The following TENM4 variants were observed in gnomAD, a reference collection of about 807,000 sequenced individuals.
TENM4 encodes the protein teneurin transmembrane protein 4.
TENM4 carries 82 observed loss-of-function variants against 243.3 expected under a neutral mutation model. The ratio of observed to expected loss-of-function variants is 0.34; its 90% confidence interval spans 0.28 to 0.40. The LOEUF (loss-of-function observed/expected upper bound fraction) is 0.40. TENM4 is among the 10% of genes least tolerant of loss of function. TENM4 has a pLI of 1.00. For missense variants in TENM4, 3,138 were observed against 3,673.3 expected, an observed-to-expected ratio of 0.85 and a Z score of 3.77; for synonymous variants, 1,412 against 1,456.3, an observed-to-expected ratio of 0.97 and a Z score of 0.69.
At chr11:79,158,400 C>G (rs1862668175) in intron 3 of TENM4, among the ~76,000 whole-genome samples, 1 of 152,196 alleles carries the variant, frequency 6.6e-6, no homozygotes, top group Admixed American at 6.5e-5. Flanking sequence ...TTGAGCCTGG[C>G]TCTGTCATGA....
At chr11:78,744,519 A>T (rs1856002357) in intron 19 of TENM4, among the ~76,000 whole-genome samples, 1 of 152,226 alleles carries the variant, frequency 6.6e-6, no homozygotes, top group South Asian at 2.1e-4. Flanking sequence ...AGGATTCGCC[A>T]TGAGAACTTG....
At chr11:78,758,573 G>A (rs753252250) in intron 18 of TENM4, among the ~76,000 whole-genome samples, 2 of 152,214 alleles carry the variant, frequency 1.3e-5, no homozygotes, top group African/African-American at 2.4e-5. Context: ...TCTCCATGGA[G>A]TTTACAATAC....
At chr11:78,769,108 G>A (rs183016545) in intron 18 of TENM4, among the ~76,000 whole-genome samples, 56 of 152,330 alleles carry the variant, frequency 3.7e-4, no homozygotes, top group Non-Finnish European at 7.8e-4. Context: ...TTGTGAGAAG[G>A]GAATGGTGGC....
chr11:79,232,939 G>A (rs2135264454), intron 2 of TENM4, among the ~76,000 whole-genome samples: 1 of 152,354 alleles, frequency 6.6e-6, no homozygotes, highest in South Asian at 2.1e-4. Context: ...TTGCCAACAG[G>A]TGAAATTCCA....
chr11:78,784,953 A>G (rs1310012166), intron 16 of TENM4, among the ~76,000 whole-genome samples: 1 of 150,730 alleles, frequency 6.6e-6, no homozygotes, highest in Non-Finnish European at 1.5e-5. Context: ...CAACATTTGC[A>G]AACGTTTTGG....
chr11:79,161,027 T>C (rs145633023), intron 3 of TENM4, among the ~76,000 whole-genome samples: 148 of 152,344 alleles, frequency 9.7e-4, no homozygotes, highest in African/African-American at 3.5e-3. Context: ...CCCTTTTTAG[T>C]GAGCCATCTT....
intron 1 of TENM4, among the ~76,000 whole-genome samples, chr11:79,319,558 C>T (rs191976465): frequency 6.6e-6 from 1 of 152,030 alleles, no homozygotes; most frequent in Non-Finnish European, 1.5e-5. Context: ...TAATGTTGTT[C>T]CACCAAATGG....
chr11:78,805,295 T>C lies in TENM4; in HGVS notation c.2176A>G (p.Ile726Val). The C allele has an allele frequency of 7.3e-6, 2 of 275,030 alleles. No individual in the cohort carries two copies. The highest frequency in any genetic ancestry group is 6.4e-5 in the South Asian group (1 of 15,638). 17.0% of individuals were successfully genotyped at this position (275,030 alleles called of 1,614,324 possible). Residue 726 changes from isoleucine (I) to valine (V), a missense_variant, in exon 15 of 34, where the codon ATC becomes GTC. Around this residue, in one of 2 missense-constraint regions of TENM4, gnomAD observed 2,467 missense variants for 3,059.1 expected, o/e 0.81. Coordinates refer to ENST00000278550, the MANE Select transcript of TENM4 (RefSeq NM_001098816.3). Reference protein sequence around the residue: ...DPSWTGHDCSIEICAADCGGH... With the variant: ...DPSWTGHDCSVEICAADCGGH... Reference sequence around the variant, plus strand: ...CTTCTTCTCCCCCTGCATTTACCGATAGAACAGTCGTGTCCAGTCCAGCTT... The same window carrying C: ...CTTCTTCTCCCCCTGCATTTACCGACAGAACAGTCGTGTCCAGTCCAGCTT...
At chr11:79,407,392 T>C (rs1858595871) in intron 1 of TENM4, among the ~76,000 whole-genome samples, 3 of 152,266 alleles carry the variant, frequency 2.0e-5, no homozygotes, top group Non-Finnish European at 4.4e-5. Context: ...TAATTAGTAA[T>C]AATCAGCTAA....
chr11:79,031,505 G>A (rs1859236108), intron 6 of TENM4, among the ~76,000 whole-genome samples: 1 of 152,174 alleles, frequency 6.6e-6, no homozygotes, highest in African/African-American at 2.4e-5. Flanking sequence ...AGAAGGAGAA[G>A]GGCAATCAGT....
At chr11:78,886,964 C>T (rs1855560711) in intron 9 of TENM4, among the ~76,000 whole-genome samples, 2 of 152,200 alleles carry the variant, frequency 1.3e-5, no homozygotes, top group African/African-American at 4.8e-5. Flanking sequence ...TCAGCTTTTC[C>T]TGACTAGTTG....
chr11:78,914,838 G>A (rs504245), intron 6 of TENM4, among the ~76,000 whole-genome samples: 39,492 of 152,084 alleles, frequency 0.26, 5,338 homozygotes, highest in Middle Eastern at 0.34. Flanking sequence ...CTGCCACTAC[G>A]TTAGCTCAGG....
intron 2 of TENM4, among the ~76,000 whole-genome samples, chr11:79,216,701 G>A (rs1343310058): frequency 3.9e-5 from 6 of 152,136 alleles, no homozygotes; most frequent in Admixed American, 3.9e-4. Context: ...TTGCCCTTCC[G>A]CCTTTTCCCC....
At chr11:78,827,830 T>A (rs913599467) in intron 12 of TENM4, among the ~76,000 whole-genome samples, 1 of 152,198 alleles carries the variant, frequency 6.6e-6, no homozygotes, top group Non-Finnish European at 1.5e-5. Flanking sequence ...AAGGTCCCCC[T>A]GGCTCTTCCT....
At chr11:78,710,826 G>A (rs749933568) in intron 26 of TENM4, among the ~76,000 whole-genome samples, 30 of 152,300 alleles carry the variant, frequency 2.0e-4, no homozygotes, top group Middle Eastern at 3.4e-3. Flanking sequence ...ATGCACTGCC[G>A]CTTCATCTGT....
At chr11:78,689,248 TC>T (rs2135726050) in intron 28 of TENM4, among the ~76,000 whole-genome samples, 1 of 152,324 alleles carries the variant, frequency 6.6e-6, no homozygotes, top group East Asian at 1.9e-4. Flanking sequence ...TTCTGTACCG[TC>T]CATTTGCAAG....
rs201203052 is a variant in TENM4, at chr11:78,732,415, C to T, written c.3039G>A (p.Leu1013=). Residue 1013 remains leucine, a synonymous_variant, in exon 21 of 34, where the codon CTG becomes CTA. Transcript: ENST00000278550. ...CTGGGTTGGGGCGGGCAAAATTGCT[C>T]AGGTCACAGCTGGGAATCTCATTCT... ...HEENEIPSCD[L]SNFARPNPVV... is the part of the protein sequence containing the mutation. 15 of 1,613,784 alleles carry T rather than the reference C, an allele frequency of 9.3e-6. No homozygotes were observed. Among genetic ancestry groups the T allele is most frequent in the Non-Finnish European group, 1.3e-5 (15 of 1,179,868 alleles).
intron 1 of TENM4, among the ~76,000 whole-genome samples, chr11:79,301,283 CT>C (rs1374561671): frequency 1.1e-4 from 17 of 152,190 alleles, no homozygotes; most frequent in Admixed American, 1.1e-3. Context: ...GGCTTCTGTA[CT>C]GCTCGGGTAT....
intron 6 of TENM4, among the ~76,000 whole-genome samples, chr11:79,042,188 A>G (rs1859550486): frequency 6.6e-6 from 1 of 152,170 alleles, no homozygotes; most frequent in Non-Finnish European, 1.5e-5. Context: ...CTAATATCCA[A>G]GTGCTTTAAG....
Sources: allele counts gnomAD v4.1 joint callset (sites outside exome capture counted in the v4.1 genomes callset), GRCh38; gene constraint gnomAD v4.1.1; regional missense constraint gnomAD v4.1.1; transcripts MANE v1.5; gene names NCBI Gene and HGNC (gene_info 2026-07-23, HGNC 2026-07-21).